The following DMD variants were observed in gnomAD, a reference collection of about 807,000 sequenced individuals.
The protein encoded by DMD is dystrophin, also known as mutant dystrophin.
A neutral mutation model predicts 330.1 loss-of-function variants in DMD; 63 were observed. That is an observed-to-expected ratio of 0.19 (90% CI 0.16 to 0.24). DMD has a LOEUF of 0.24. Among genes scored for constraint, DMD ranks in the 10% least tolerant of loss-of-function variants. The pLI is 1.00. For missense variants in DMD, 3,344 were observed against 2,684.1 expected, an observed-to-expected ratio of 1.25 and a Z score of -5.43; for synonymous variants, 1,223 against 959.8, an observed-to-expected ratio of 1.27 and a Z score of -5.07.
intron 48 of DMD, among the ~76,000 whole-genome samples, chrX:31,849,286 T>C (rs2093480105): frequency 9.0e-6 from 1 of 111,081 alleles, no homozygotes; most frequent in African/African-American, 3.3e-5. Context: ...TATGTTTCAC[T>C]GGGGTAGGAA....
At chrX:32,836,325 C>G (rs1049793060) in intron 4 of DMD, among the ~76,000 whole-genome samples, 2 of 110,811 alleles carry the variant, frequency 1.8e-5, no homozygotes, top group African/African-American at 6.6e-5. Flanking sequence ...AGCCACCACG[C>G]TCGGCCTCAA....
chrX:32,547,061 T>A (rs2049040924), intron 16 of DMD, among the ~76,000 whole-genome samples: 1 of 111,467 alleles, frequency 9.0e-6, no homozygotes, highest in Non-Finnish European at 1.9e-5. Context: ...TAATTTATTT[T>A]TTTATTTGAA....
intron 13 of DMD, among the ~76,000 whole-genome samples, chrX:32,590,364 G>C (rs2149238801): frequency 8.9e-6 from 1 of 111,735 alleles, no homozygotes; most frequent in East Asian, 2.8e-4. Flanking sequence ...TGTTGTGACG[G>C]TTAATATTAT....
intron 50 of DMD, among the ~76,000 whole-genome samples, chrX:31,782,867 A>T (rs998984707): frequency 1.8e-5 from 2 of 112,005 alleles, no homozygotes; most frequent in Non-Finnish European, 3.8e-5. Flanking sequence ...TGAGGTCAAT[A>T]AATCAGGCAG....
chrX:31,205,025 A>G (rs1351261486), intron 66 of DMD, among the ~76,000 whole-genome samples: 1 of 112,209 alleles, frequency 8.9e-6, no homozygotes, highest in East Asian at 2.8e-4. Context: ...GGAAGGAACC[A>G]TATCTTGGTC....
chrX:32,819,009 T>G (rs1205980939), intron 5 of DMD, among the ~76,000 whole-genome samples: 1 of 101,303 alleles, frequency 9.9e-6, no homozygotes, highest in East Asian at 3.3e-4. Flanking sequence ...ACAGGTGTTT[T>G]TTTTTTTTTT....
Position 31,496,822 on chromosome X carries a change from A to C in DMD, c.8513T>G (p.Phe2838Cys), listed in dbSNP as rs1603264545. 1.5e-5 allele frequency: 18 copies of C among 1,212,204 alleles called. No homozygotes were observed. The highest frequency in any genetic ancestry group is 2.0e-5 in the Non-Finnish European group (18 of 895,649). The change falls in exon 57 of 79, where the codon TTT (phenylalanine) becomes TGT (cysteine). Residue 2838 changes from phenylalanine to cysteine, a missense_variant. Coordinates refer to ENST00000357033, the MANE Select transcript of DMD (RefSeq NM_004006.3). ...ATCGTTCTGCTTCTGAACTGCTGGA[A>C]AGTCGCCTCCAATAGGTGCCTGCCG... is the stretch of plus-strand genomic sequence containing the variant. ...LSRQAPIGGD[F>C]PAVQKQNDVH...
chrX:31,246,881 G>A (rs1274840155), intron 63 of DMD, among the ~76,000 whole-genome samples: 2 of 109,392 alleles, frequency 1.8e-5, no homozygotes, highest in African/African-American at 3.3e-5. Flanking sequence ...AGCCAAGATC[G>A]TACCACTGCA....
chrX:31,690,008 T>G (rs745809705), intron 52 of DMD, among the ~76,000 whole-genome samples: 1 of 111,765 alleles, frequency 8.9e-6, no homozygotes, highest in Non-Finnish European at 1.9e-5. Flanking sequence ...CCTAAAACCA[T>G]AAAAACCCTA....
intron 52 of DMD, among the ~76,000 whole-genome samples, chrX:31,698,557 A>G (rs2083590969): frequency 1.8e-5 from 2 of 112,126 alleles, no homozygotes. Flanking sequence ...GAATATTAAG[A>G]TATGTCCCTT....
intron 60 of DMD, among the ~76,000 whole-genome samples, chrX:31,415,953 T>G (rs759864038): frequency 8.9e-6 from 1 of 111,757 alleles, no homozygotes; most frequent in East Asian, 2.8e-4. Flanking sequence ...AAAGGTTTAT[T>G]TCCTGATCAG....
intron 50 of DMD, among the ~76,000 whole-genome samples, chrX:31,802,547 A>G (rs959026836): frequency 1.8e-5 from 2 of 111,754 alleles, no homozygotes; most frequent in East Asian, 5.6e-4. Context: ...TTTAGGAGCA[A>G]AAAAATCAAC....
chrX:31,432,839 ACATAT>A (rs2064181110), intron 60 of DMD, among the ~76,000 whole-genome samples: 1 of 112,077 alleles, frequency 8.9e-6, no homozygotes, highest in Non-Finnish European at 1.9e-5. Flanking sequence ...AAGCAATGAA[ACATAT>A]CAGTAGATTC....
At chrX:33,172,340 C>T (rs73621890) in intron 1 of DMD, among the ~76,000 whole-genome samples, 577 of 111,585 alleles carry the variant, frequency 5.2e-3, no homozygotes, top group African/African-American at 0.018. Flanking sequence ...TTTTTATTTA[C>T]TCATTTTTGA....
chrX:31,662,322 G>A (rs1052378671), intron 53 of DMD, among the ~76,000 whole-genome samples: 2 of 111,328 alleles, frequency 1.8e-5, no homozygotes, highest in Non-Finnish European at 3.8e-5. Flanking sequence ...CATTACTACT[G>A]CTAGCACATC....
At chrX:32,569,121 C>T (rs1185468201) in intron 15 of DMD, among the ~76,000 whole-genome samples, 3 of 111,077 alleles carry the variant, frequency 2.7e-5, no homozygotes, top group African/African-American at 9.8e-5. Context: ...GTAGACCTAC[C>T]TCCAAGGTAG....
At chrX:31,464,612 A>G (rs1246265811) in intron 59 of DMD, among the ~76,000 whole-genome samples, 1 of 112,543 alleles carries the variant, frequency 8.9e-6, no homozygotes, top group African/African-American at 3.2e-5. Context: ...TTTGGTTCCA[A>G]TGTATACTAC....
intron 44 of DMD, among the ~76,000 whole-genome samples, chrX:32,215,428 C>A (rs1358954308): frequency 9.0e-6 from 1 of 111,020 alleles, no homozygotes; most frequent in African/African-American, 3.3e-5. Context: ...AAAGTACTCC[C>A]TAGTTAACCT....
intron 9 of DMD, among the ~76,000 whole-genome samples, chrX:32,664,714 G>A (rs2147127136): frequency 8.9e-6 from 1 of 111,989 alleles, no homozygotes; most frequent in Non-Finnish European, 1.9e-5. Flanking sequence ...TTTACATAGG[G>A]TAAATTTGAA....
Sources: gnomAD v4.1 joint callset for allele counts (sites outside exome capture counted in the v4.1 genomes callset) on GRCh38, gnomAD v4.1.1 for gene constraint, MANE v1.5 for transcripts, NCBI Gene and HGNC (gene_info 2026-07-23, HGNC 2026-07-21) for gene names.